ANGPTL3: variants seen among roughly 807,000 people sequenced by gnomAD.
ANGPTL3 encodes the protein angiopoietin like 3.
ANGPTL3 carries 51 observed loss-of-function variants against 52.7 expected under a neutral mutation model. That is an observed-to-expected ratio of 0.97 (90% CI 0.77 to 1.22). The LOEUF (loss-of-function observed/expected upper bound fraction) is 1.22, where lower values mean the gene tolerates loss of function less well. Among genes scored for constraint, ANGPTL3 ranks in the 50% most tolerant of loss-of-function variants. ANGPTL3 has a pLI of 0.00. For missense variants in ANGPTL3, 506 were observed against 520.7 expected (o/e 0.97, Z 0.27); for synonymous variants, 185 against 179.8 (o/e 1.03, Z -0.23).
At chr1:62,601,563 AATT>A (rs1300258981) in intron 3 of ANGPTL3, among the ~76,000 whole-genome samples, 1 of 151,688 alleles carries the variant, frequency 6.6e-6, no homozygotes, top group Non-Finnish European at 1.5e-5. Context: ...TCTAAAAAAT[AATT>A]AATTTTTTAA....
Position 62,605,073 on chromosome 1 carries a change from A to G in ANGPTL3, c.*256A>G. ...TGGGAATCAATTTTAGATGGTCACAATCTAGATTATAATCAATAGGTGAAC... is the reference window on the plus strand; with the variant it reads ...TGGGAATCAATTTTAGATGGTCACAGTCTAGATTATAATCAATAGGTGAAC... On this transcript the variant is annotated 3_prime_UTR_variant, in exon 7 of 7. Transcript: ENST00000371129. 2.6e-6 allele frequency: 1 copy of G among 391,936 alleles called. No homozygotes were observed. Among genetic ancestry groups the G allele is most frequent in the Non-Finnish European group, 4.6e-6 (1 of 215,348 alleles). The allele number at this position is 391,936 out of a possible 1,614,324, so 24.3% of individuals were successfully genotyped here.
Position 62,601,104 on chromosome 1 carries a change from AACCC to A in ANGPTL3, c.632_635del (p.Pro211GlnfsTer20). 6.2e-7 allele frequency: 1 copy of A among 1,606,424 alleles called. No individual in the cohort carries two copies. The highest frequency in any genetic ancestry group is 2.2e-5 in the East Asian group (1 of 44,692). On this transcript the variant is annotated frameshift_variant, in exon 3 of 7. Coordinates refer to ENST00000371129, the MANE Select transcript of ANGPTL3 (RefSeq NM_014495.4). LOFTEE classifies it high-confidence loss of function. ...CAGCTCAGAAGGACTAGTATTCAAG[AACCC>A]ACAGAAATTTCTCTATCTTCCAAGC...
chr1:62,603,771 TA>T (rs1397461243), intron 5 of ANGPTL3, among the ~76,000 whole-genome samples, 197 bp from the exon 6 acceptor site: 1 of 151,922 alleles, frequency 6.6e-6, no homozygotes, highest in Non-Finnish European at 1.5e-5. Context: ...GTTATATTAA[TA>T]TTTTTAACAT....
intron 2 of ANGPTL3, among the ~76,000 whole-genome samples, chr1:62,600,505 A>G (rs955722358): frequency 1.3e-5 from 2 of 151,856 alleles, no homozygotes; most frequent in African/African-American, 4.8e-5. Context: ...CATTCAATAA[A>G]TTGCAAACCC....
rs1207203084 is a variant in ANGPTL3 at position 62,605,933 on chromosome 1, T to A, written c.*1116T>A. 1 of 152,030 alleles carries A rather than the reference T, an allele frequency of 6.6e-6. No individual in the cohort carries two copies. Among genetic ancestry groups the A allele is most frequent in the African/African-American group, 2.4e-5 (1 of 41,442 alleles). 9.4% of individuals were successfully genotyped at this position (152,030 alleles called of 1,614,324 possible). A position where few individuals can be genotyped will look rare whatever the true frequency, so the allele number is the denominator to read the frequency against. ...AAATATGATTTTTTAAAACTGCCAG[T>A]AAGAAATTTTAAATTAAACCCATTT... On this transcript the variant is annotated 3_prime_UTR_variant, in exon 7 of 7. Transcript: ENST00000371129.
chr1:62,599,945 CATAAT>C (rs1294816445), intron 2 of ANGPTL3, among the ~76,000 whole-genome samples: 7 of 151,956 alleles, frequency 4.6e-5, no homozygotes, highest in African/African-American at 1.2e-4. Flanking sequence ...ATTCAAAAAA[CATAAT>C]ATAAACTCAG....
chr1:62,601,722 T>C (rs1418664230), intron 3 of ANGPTL3, 47 bp from the exon 4 acceptor site: 6 of 1,274,018 alleles, frequency 4.7e-6, no homozygotes, highest in South Asian at 1.2e-5. Flanking sequence ...TCCAAAGATA[T>C]TATTCCTATT....
rs1650904230 is a variant in ANGPTL3, at chr1:62,605,798, A to G, written c.*981A>G. On this transcript the variant is annotated 3_prime_UTR_variant, in exon 7 of 7. Coordinates refer to ENST00000371129, the MANE Select transcript of ANGPTL3 (RefSeq NM_014495.4). ...CCCAGTCCCTAAATTATAGAAATTT[A>G]AATTATTCTTGCATGTTTATCGACA... 6.6e-6 allele frequency: 1 copy of G among 152,234 alleles called. No individual in the cohort carries two copies. The highest frequency in any genetic ancestry group is 2.4e-5 in the African/African-American group (1 of 41,442). The allele number at this position is 152,234 out of a possible 1,614,324, so 9.4% of individuals were successfully genotyped here. A position where few individuals can be genotyped will look rare whatever the true frequency, so the allele number is the denominator to read the frequency against.
intron 6 of ANGPTL3, 29 bp from the exon 7 acceptor site, chr1:62,604,604 C>A (rs764079640): frequency 1.2e-6 from 2 of 1,600,950 alleles, no homozygotes; most frequent in Non-Finnish European, 1.7e-6. Context: ...GAGTCTGTAC[C>A]CATTAAATTG....
In ANGPTL3 at chr1:62,604,766, A is replaced by T; in HGVS notation, c.1332A>T (p.Ile444=). The T allele has an allele frequency of 6.2e-7, 1 of 1,613,030 alleles. No homozygotes were observed. The highest frequency in any genetic ancestry group is 8.5e-7 in the Non-Finnish European group (1 of 1,179,264). Residue 444 remains isoleucine, a synonymous_variant, in exon 7 of 7, where the codon ATA becomes ATT. Coordinates refer to ENST00000371129, the MANE Select transcript of ANGPTL3 (RefSeq NM_014495.4). ...WKSQNGRLYS[I]KSTKMLIHPT... ...CTCAAAATGGAAGGTTATACTCTAT[A>T]AAATCAACCAAAATGTTGATCCATC...
In ANGPTL3 at chr1:62,601,070, T is replaced by G. The variant is rs779738612; in HGVS notation, c.607-12T>G. On this transcript the variant is annotated splice_polypyrimidine_tract_variant and intron_variant, in intron 2 of 6. Coordinates refer to ENST00000371129, the MANE Select transcript of ANGPTL3 (RefSeq NM_014495.4). ...TATCATTTTAAAAAACAGATTTATATTCTTTTATCAGCTCAGAAGGACTAG... is the reference window on the plus strand; with the variant it reads ...TATCATTTTAAAAAACAGATTTATAGTCTTTTATCAGCTCAGAAGGACTAG... The G allele has an allele frequency of 5.4e-6, 8 of 1,469,256 alleles. No homozygotes were observed. Among genetic ancestry groups the G allele is most frequent in the Non-Finnish European group, 1.9e-6 (2 of 1,049,050 alleles). 91.0% of individuals were successfully genotyped at this position (1,469,256 alleles called of 1,614,324 possible).
In ANGPTL3 at chr1:62,604,000, C is replaced by T. The variant is rs773437531; in HGVS notation, c.963C>T (p.Tyr321=). ...TTTGGTTGGGCCTAGAGAAGATATA[C>T]TCCATAGTGAAGCAATCTAATTATG... is the stretch of plus-strand genomic sequence containing the variant. ...GEFWLGLEKI[Y]SIVKQSNYVL... is the part of the protein sequence containing the mutation. Residue 321 remains tyrosine, a synonymous_variant, in exon 6 of 7, where the codon TAC becomes TAT. Transcript: ENST00000371129. 2 of 1,612,980 alleles carry T rather than the reference C, an allele frequency of 1.2e-6. No individual in the cohort carries two copies. The highest frequency in any genetic ancestry group is 1.7e-6 in the Non-Finnish European group (2 of 1,179,198).
At chr1:62,601,039 A>G (rs1253831202) in intron 2 of ANGPTL3, 43 bp from the exon 3 acceptor site, 2 of 1,130,104 alleles carry the variant, frequency 1.8e-6, no homozygotes, top group Non-Finnish European at 2.7e-6. Flanking sequence ...CTAATTGTAT[A>G]TTCAGTATCA....
At chr1:62,601,982 T>C (rs1426037895) in intron 4 of ANGPTL3, 100 bp downstream of exon 4, 1 of 703,996 alleles carries the variant, frequency 1.4e-6, no homozygotes, top group African/African-American at 1.8e-5. Context: ...CATATATATA[T>C]GAAATATATA....
chr1:62,602,714 GA>G (rs1241837928), intron 5 of ANGPTL3, among the ~76,000 whole-genome samples: 8 of 151,498 alleles, frequency 5.3e-5, no homozygotes, highest in Admixed American at 5.3e-4. Flanking sequence ...AATAAGCTGT[GA>G]AAAGAACCAC....
intron 4 of ANGPTL3, 26 bp downstream of exon 4, chr1:62,601,908 C>T (rs1433362929): frequency 2.7e-6 from 4 of 1,464,214 alleles, no homozygotes; most frequent in South Asian, 1.1e-5. Flanking sequence ...GGAGAATAGA[C>T]AGTAGTTAGT....
chr1:62,598,943 C>G, intron 2 of ANGPTL3, 137 bp downstream of exon 2: 1 of 646,582 alleles, frequency 1.5e-6, no homozygotes, highest in Non-Finnish European at 2.8e-6. Context: ...ATTGCAGGCT[C>G]TGAAGCTAAT....
chr1:62,604,803 G>T lies in ANGPTL3; in HGVS notation c.1369G>T (p.Glu457Ter). The T allele has an allele frequency of 6.2e-7, 1 of 1,612,848 alleles. No homozygotes were observed. The change falls in exon 7 of 7, where the codon GAA becomes TAA. Residue 457 changes from glutamate (E) to a stop codon, truncating the protein, a stop_gained. Transcript: ENST00000371129. LOFTEE classifies it high-confidence loss of function. ...AATGTTGATCCATCCAACAGATTCA[G>T]AAAGCTTTGAATGAACTGAGGCAAA... ...TKMLIHPTDSESFE is the reference protein window; with the variant it reads ...TKMLIHPTDS
intron 5 of ANGPTL3, among the ~76,000 whole-genome samples, chr1:62,602,728 C>T (rs1047134290): frequency 6.6e-6 from 1 of 151,518 alleles, no homozygotes; most frequent in African/African-American, 2.4e-5. Flanking sequence ...AGAACCACTC[C>T]TAGCATTAGT....
Sources: allele counts gnomAD v4.1 joint callset (sites outside exome capture counted in the v4.1 genomes callset), GRCh38; gene constraint gnomAD v4.1.1; transcripts MANE v1.5; gene names NCBI Gene and HGNC (gene_info 2026-07-23, HGNC 2026-07-21).